RBFOX1: variants seen among roughly 807,000 people sequenced by gnomAD.
RBFOX1 encodes the protein RNA binding protein fox-1 homolog 1.
A neutral mutation model predicts 57.7 loss-of-function variants in RBFOX1; 8 were observed. The ratio of observed to expected loss-of-function variants is 0.14; its 90% CI spans 0.08 to 0.25. RBFOX1 has a LOEUF of 0.25. Ranked by LOEUF, RBFOX1 falls within the 10% of genes least tolerant of loss-of-function variation. The pLI is 1.00. For missense variants in RBFOX1, 611 were observed against 548.5 expected (o/e 1.11, Z -1.14); for synonymous variants, 326 against 222.4 (o/e 1.47, Z -4.15).
chr16:7,396,666 G>C (rs1452623793), intron 4 of RBFOX1, among the ~76,000 whole-genome samples: 2 of 152,222 alleles, frequency 1.3e-5, no homozygotes, highest in African/African-American at 4.8e-5. Flanking sequence ...TGGGCTGAGA[G>C]TGGTGACTTA....
chr16:7,128,546 C>A (rs76329091), intron 4 of RBFOX1, among the ~76,000 whole-genome samples: 4,380 of 152,220 alleles, frequency 0.029, 210 homozygotes, highest in African/African-American at 0.1. Context: ...GGTAGAGATA[C>A]AGCAGTGAGC....
intron 3 of RBFOX1, among the ~76,000 whole-genome samples, chr16:6,809,748 T>C (rs1158396320): frequency 6.6e-6 from 1 of 152,128 alleles, no homozygotes; most frequent in African/African-American, 2.4e-5. Flanking sequence ...GAGTTATTTA[T>C]GAGATGGGGC....
chr16:5,963,094 A>G (rs2059782152), intron 4 of RBFOX1, among the ~76,000 whole-genome samples: 1 of 152,176 alleles, frequency 6.6e-6, no homozygotes, highest in Admixed American at 6.5e-5. Context: ...ATGTATTTTT[A>G]TGTGTATAAG....
chr16:7,041,296 C>T (rs1238400258), intron 3 of RBFOX1, among the ~76,000 whole-genome samples: 2 of 151,878 alleles, frequency 1.3e-5, no homozygotes, highest in East Asian at 1.9e-4. Context: ...TCAGTGGCTG[C>T]TTTTCCACCA....
chr16:6,793,043 AT>A (rs955582437), intron 3 of RBFOX1, among the ~76,000 whole-genome samples: 2 of 151,320 alleles, frequency 1.3e-5, no homozygotes, highest in Non-Finnish European at 2.9e-5. Flanking sequence ...AAAAAAAAAA[AT>A]AGAAGCGATA....
intron 5 of RBFOX1, among the ~76,000 whole-genome samples, chr16:7,559,467 C>T (rs1353465841): frequency 2.0e-5 from 3 of 152,118 alleles, no homozygotes; most frequent in Admixed American, 2.0e-4. Flanking sequence ...CAACCCCAAC[C>T]CCATCTGCCT....
intron 2 of RBFOX1, among the ~76,000 whole-genome samples, chr16:6,574,498 C>T (rs555790173): frequency 8.2e-5 from 12 of 146,528 alleles, no homozygotes; most frequent in East Asian, 6.4e-4. Flanking sequence ...GCGCGATCTC[C>T]GCTCACTGCA....
intron 3 of RBFOX1, among the ~76,000 whole-genome samples, chr16:5,652,715 G>T (rs1450839873): frequency 6.6e-6 from 1 of 152,172 alleles, no homozygotes; most frequent in Non-Finnish European, 1.5e-5. Context: ...TTTCAGAGAG[G>T]CACAGTGGGA....
chr16:5,305,085 G>C (rs956923290), intron 1 of RBFOX1, among the ~76,000 whole-genome samples: 21 of 152,148 alleles, frequency 1.4e-4, no homozygotes, highest in Admixed American at 3.3e-4. Flanking sequence ...GCTTTGCAAG[G>C]GGGTAGATAC....
chr16:6,052,025 C>G (rs1488414075), intron 1 of RBFOX1, among the ~76,000 whole-genome samples: 1 of 152,150 alleles, frequency 6.6e-6, no homozygotes, highest in Non-Finnish European at 1.5e-5. Context: ...AGTCCAGTCC[C>G]CATCATGCCA....
chr16:6,530,199 T>C (rs1008962059), intron 2 of RBFOX1, among the ~76,000 whole-genome samples: 1 of 152,156 alleles, frequency 6.6e-6, no homozygotes, highest in Admixed American at 6.5e-5. Context: ...ATTTTTTCCT[T>C]TCTTCTTCCG....
At chr16:7,403,369 C>G (rs1038583942) in intron 4 of RBFOX1, among the ~76,000 whole-genome samples, 38 of 152,118 alleles carry the variant, frequency 2.5e-4, no homozygotes, top group African/African-American at 8.4e-4. Flanking sequence ...TATTCTTTGA[C>G]TAACATCTCC....
At chr16:7,026,269 G>C (rs1394475138) in intron 3 of RBFOX1, among the ~76,000 whole-genome samples, 1 of 152,166 alleles carries the variant, frequency 6.6e-6, no homozygotes, top group Non-Finnish European at 1.5e-5. Flanking sequence ...TCCTGCTCCT[G>C]ACTTGGAGGC....
intron 5 of RBFOX1, among the ~76,000 whole-genome samples, chr16:7,563,596 C>T (rs8051727): frequency 0.86 from 130,692 of 152,040 alleles, 57,669 homozygotes; most frequent in Non-Finnish European, 0.97. Flanking sequence ...GCCTCCATAG[C>T]AGCTGGGACT....
chr16:6,414,408 G>T (rs527393231), intron 2 of RBFOX1, among the ~76,000 whole-genome samples: 1 of 152,298 alleles, frequency 6.6e-6, no homozygotes, highest in African/African-American at 2.4e-5. Flanking sequence ...TGTCTACTCT[G>T]CCCCAGGTGT....
chr16:5,611,063 C>A (rs2047766947), intron 3 of RBFOX1, among the ~76,000 whole-genome samples: 1 of 152,142 alleles, frequency 6.6e-6, no homozygotes, highest in Non-Finnish European at 1.5e-5. Flanking sequence ...CCCCAGCAGA[C>A]AACTAGAGCA....
chr16:6,311,147 T>C (rs1473940810), intron 1 of RBFOX1, among the ~76,000 whole-genome samples: 2 of 151,328 alleles, frequency 1.3e-5, no homozygotes, highest in African/African-American at 4.8e-5. Context: ...ATACAAAAAA[T>C]TAGCTGGACG....
Position 6,609,661 on chromosome 16 carries a change from G to A in RBFOX1, c.-63-44942G>A, listed in dbSNP as rs180847012. Reference sequence around the variant, plus strand: ...GGGGGAATCCTGAAGTTAACCCTATGTAAAGATTCACCCAGATGGTTCAGT... The same window carrying A: ...GGGGGAATCCTGAAGTTAACCCTATATAAAGATTCACCCAGATGGTTCAGT... On this transcript the variant is annotated intron_variant, in intron 2 of 15. Transcript: ENST00000550418. Among the ~76,000 whole-genome samples, 122 of 152,222 alleles carry A rather than the reference G, an allele frequency of 8.0e-4. 1 individual carries two copies. The East Asian group carries it at 0.014, about 17-fold the overall frequency.
intron 4 of RBFOX1, among the ~76,000 whole-genome samples, chr16:7,083,657 A>T (rs2059541692): frequency 1.3e-5 from 2 of 152,152 alleles, no homozygotes; most frequent in African/African-American, 4.8e-5. Context: ...TTTAATTTTA[A>T]ATCCAGATTC....
Sources: allele counts gnomAD v4.1 joint callset (sites outside exome capture counted in the v4.1 genomes callset), GRCh38; gene constraint gnomAD v4.1.1; transcripts MANE v1.5; gene names NCBI Gene and HGNC (gene_info 2026-07-23, HGNC 2026-07-21).